Variants in RBM11 observed in about 807,000 individuals in gnomAD.
RBM11 encodes splicing regulator RBM11.
In RBM11, 18 loss-of-function variants were observed where a neutral mutation model predicts 21.4. The ratio of observed to expected loss-of-function variants is 0.84; its 90% CI spans 0.58 to 1.25. The LOEUF (loss-of-function observed/expected upper bound fraction) is 1.25. RBM11 is among the 50% of genes most tolerant of loss of function. The pLI is 0.00. For synonymous variants in RBM11, 120 were observed against 116.3 expected (o/e 1.03, Z -0.20); for missense variants, 294 against 331.9 (o/e 0.89, Z 0.89).
At chr21:14,226,688 T>C (rs927544121) in intron 4 of RBM11, among the ~76,000 whole-genome samples, 192 bp from the exon 5 acceptor site, 1 of 151,988 alleles carries the variant, frequency 6.6e-6, no homozygotes, top group African/African-American at 2.4e-5. Context: ...TAGTGAGCTA[T>C]ACACAGCCTC....
chr21:14,219,762 G>C (rs767981543), intron 2 of RBM11, 37 bp downstream of exon 2: 1 of 1,524,258 alleles, frequency 6.6e-7, no homozygotes, highest in South Asian at 1.3e-5. Context: ...AAAGTGTTTT[G>C]TGGTTGGTAC....
chr21:14,216,995 CT>C (rs1568895250), intron 1 of RBM11, among the ~76,000 whole-genome samples: 3 of 152,162 alleles, frequency 2.0e-5, no homozygotes. Context: ...GGGGCAAATA[CT>C]GAGGGTGCTG....
At chr21:14,224,944 C>T (rs1176302799) in intron 4 of RBM11, among the ~76,000 whole-genome samples, 3 of 152,072 alleles carry the variant, frequency 2.0e-5, no homozygotes, top group Admixed American at 2.0e-4. Context: ...CACAGTGAAA[C>T]CCTCTCCATC....
chr21:14,222,334 T>C (rs1978745982), intron 3 of RBM11, among the ~76,000 whole-genome samples: 1 of 152,144 alleles, frequency 6.6e-6, no homozygotes. Flanking sequence ...GAAGTATAGC[T>C]CTACTAGCTA....
At position 14,219,592 on chromosome 21, in the gene RBM11, CAA is replaced by C; in HGVS notation, c.128_129del (p.Lys43ArgfsTer15). ...GGCCACTAACCAAAGTGACTATATG[CAA>C]AGACAGAGAAGGAAAGCCAAAGTCT... The part of the protein sequence containing the change: ...AGPLTKVTIC[K>X]DREGKPKSFG... On this transcript the variant is annotated frameshift_variant, in exon 2 of 5. Coordinates refer to ENST00000400577, the MANE Select transcript of RBM11 (RefSeq NM_144770.5). LOFTEE classifies it high-confidence loss of function. 6.3e-7 allele frequency: 1 copy of C among 1,579,896 alleles called. No homozygotes were observed. Among genetic ancestry groups the C allele is most frequent in the Non-Finnish European group, 8.6e-7 (1 of 1,157,774 alleles).
At chr21:14,224,677 C>T in intron 4 of RBM11, 140 bp downstream of exon 4, 1 of 1,238,730 alleles carries the variant, frequency 8.1e-7, no homozygotes, top group African/African-American at 1.6e-5. Context: ...CCAGTGGTGT[C>T]CTGGCCTAAC....
At chr21:14,220,087 C>A (rs1978531546) in intron 2 of RBM11, among the ~76,000 whole-genome samples, 1 of 152,090 alleles carries the variant, frequency 6.6e-6, no homozygotes, top group Non-Finnish European at 1.5e-5. Flanking sequence ...CTTGTTACTG[C>A]TGATGTATGG....
At chr21:14,225,905 T>C (rs551099069) in intron 4 of RBM11, among the ~76,000 whole-genome samples, 5 of 152,230 alleles carry the variant, frequency 3.3e-5, no homozygotes, top group Admixed American at 6.5e-5. Flanking sequence ...CTATAAAATA[T>C]GGGGGCAATT....
At chr21:14,226,818 G>A in intron 4 of RBM11, 62 bp from the exon 5 acceptor site, 1 of 1,544,364 alleles carries the variant, frequency 6.5e-7, no homozygotes. Flanking sequence ...CATGTAAACT[G>A]TTAATTTTTT....
intron 1 of RBM11, among the ~76,000 whole-genome samples, chr21:14,217,932 T>A (rs1230769875): frequency 6.6e-6 from 1 of 152,034 alleles, no homozygotes; most frequent in Admixed American, 6.5e-5. Context: ...TATTATCTTC[T>A]CATTCTTTAT....
Position 14,220,185 on chromosome 21 carries a change from C to G in RBM11, c.259+460C>G, listed in dbSNP as rs141345869. Among the ~76,000 whole-genome samples, 21 of 152,208 alleles carry G rather than the reference C, an allele frequency of 1.4e-4. No homozygotes were observed. In the East Asian group the frequency reaches 4.1e-3, roughly 29 times the overall value. On this transcript the variant is annotated intron_variant, in intron 2 of 4. Transcript: ENST00000400577. ...CTATACATGTTGCACAGGATTTTAG[C>G]CCCTGTAAGAGCAAAGTGGTGAAAG...
rs1287071687 is a variant in RBM11, at chr21:14,224,275, TG to T, written c.333-159del. On this transcript the variant is annotated intron_variant, in intron 3 of 4. Transcript: ENST00000400577. The stretch of plus-strand genomic sequence containing the variant: ...ATTTAGGACTTTAACAGCTGAATTT[TG>T]GGGAGACATGTCAGCCCATCACACT... The T allele has an allele frequency of 1.6e-5, 17 of 1,063,902 alleles. No homozygotes were observed. The Admixed American group carries it at 4.9e-4, about 31-fold the overall frequency. The allele number at this position is 1,063,902 out of a possible 1,614,324, so 65.9% of individuals were successfully genotyped here.
At chr21:14,219,510 G>A in intron 1 of RBM11, 53 bp from the exon 2 acceptor site, 1 of 1,320,168 alleles carries the variant, frequency 7.6e-7, no homozygotes, top group Non-Finnish European at 1.0e-6. Flanking sequence ...ACTTATTTGA[G>A]TATAAAAAAA....
chr21:14,220,317 G>A (rs1978558464), intron 2 of RBM11, among the ~76,000 whole-genome samples: 1 of 152,114 alleles, frequency 6.6e-6, no homozygotes, highest in African/African-American at 2.4e-5. Context: ...ATGATTAGCT[G>A]CCAAGAGAAT....
At chr21:14,216,336 A>T (rs1438587130) in intron 1 of RBM11, 54 bp downstream of exon 1, 2 of 1,520,600 alleles carry the variant, frequency 1.3e-6, no homozygotes, top group African/African-American at 1.4e-5. Flanking sequence ...GGCCGGAAAC[A>T]TAGCGCGCAC....
chr21:14,221,055 A>G, intron 2 of RBM11, 42 bp from the exon 3 acceptor site: 1 of 1,513,866 alleles, frequency 6.6e-7, no homozygotes, highest in East Asian at 2.4e-5. Context: ...ACTCAAAAAA[A>G]AATGTACCAT....
Position 14,227,380 on chromosome 21 carries a change from A to T in RBM11, c.*87A>T. The stretch of plus-strand genomic sequence containing the variant: ...GTTATCCCATCAAATAAACAATGTC[A>T]TGGCTATCTTGTCTTTTGAAATATG... On this transcript the variant is annotated 3_prime_UTR_variant, in exon 5 of 5. Coordinates refer to ENST00000400577, the MANE Select transcript of RBM11 (RefSeq NM_144770.5). The T allele has an allele frequency of 1.5e-6, 2 of 1,339,044 alleles. No individual in the cohort carries two copies. The highest frequency in any genetic ancestry group is 2.0e-6 in the Non-Finnish European group (2 of 989,522). The allele number at this position is 1,339,044 out of a possible 1,614,324, so 82.9% of individuals were successfully genotyped here.
chr21:14,225,682 A>G (rs186313279), intron 4 of RBM11, among the ~76,000 whole-genome samples: 7 of 152,268 alleles, frequency 4.6e-5, no homozygotes, highest in Middle Eastern at 3.4e-3. Flanking sequence ...CCTTTTCTTA[A>G]CTATGGTAAA....
chr21:14,218,826 A>C (rs977557187), intron 1 of RBM11, among the ~76,000 whole-genome samples: 1 of 152,164 alleles, frequency 6.6e-6, no homozygotes. Flanking sequence ...ACAATCTTCT[A>C]TGATATTTGG....
Sources: gnomAD v4.1 joint callset for allele counts (sites outside exome capture counted in the v4.1 genomes callset) on GRCh38, gnomAD v4.1.1 for gene constraint, MANE v1.5 for transcripts, NCBI Gene and HGNC (gene_info 2026-07-23, HGNC 2026-07-21) for gene names.